The following ZMYND11 variants were observed in gnomAD, a reference collection of about 807,000 sequenced individuals.
ZMYND11 encodes zinc finger MYND domain-containing protein 11.
A neutral mutation model predicts 84.9 loss-of-function variants in ZMYND11; 9 were observed. The observed-to-expected ratio is 0.11, with a 90% confidence interval of 0.06 to 0.18. The LOEUF is 0.18. ZMYND11 is among the 10% of genes least tolerant of loss of function. ZMYND11 has a pLI of 1.00. For synonymous variants in ZMYND11, 250 were observed against 244.1 expected (o/e 1.02, Z -0.23); for missense variants, 409 against 761.0 (o/e 0.54, Z 5.44).
intron 4 of ZMYND11, among the ~76,000 whole-genome samples, chr10:226,331 C>T (rs1948123882): frequency 6.6e-6 from 1 of 152,266 alleles, no homozygotes; most frequent in East Asian, 1.9e-4. Flanking sequence ...CATAAAAAGT[C>T]TGTCAGCAGA....
chr10:229,004 A>C (rs1370179722), intron 4 of ZMYND11, among the ~76,000 whole-genome samples: 11 of 152,148 alleles, frequency 7.2e-5, no homozygotes, highest in African/African-American at 2.7e-4. Context: ...GTTTTTTTCT[A>C]TCACGGTTTG....
chr10:239,357 ACTGCTTGTCCTGTGAACTTAGT>A, intron 6 of ZMYND11, 59 bp from the exon 7 acceptor site: 1 of 1,115,694 alleles, frequency 9.0e-7, no homozygotes, highest in Non-Finnish European at 1.3e-6. Context: ...CCTAGAAAAG[ACTGCTTGTCCTGTGAACTTAGT>A]CCAGACAAGT....
intron 2 of ZMYND11, among the ~76,000 whole-genome samples, chr10:194,085 A>G (rs1941137618): frequency 6.6e-6 from 1 of 152,114 alleles, no homozygotes; most frequent in African/African-American, 2.4e-5. Context: ...CCTGGGCTCA[A>G]GCAATCCTCC....
intron 1 of ZMYND11, among the ~76,000 whole-genome samples, chr10:172,888 A>T (rs1384045098): frequency 6.6e-6 from 1 of 152,192 alleles, no homozygotes; most frequent in East Asian, 1.9e-4. Context: ...TGACAGGACA[A>T]ATAGATGGAT....
intron 1 of ZMYND11, among the ~76,000 whole-genome samples, chr10:142,789 G>T (rs562123065): frequency 6.6e-6 from 1 of 152,254 alleles, no homozygotes; most frequent in East Asian, 1.9e-4. Flanking sequence ...GAAACTCTGG[G>T]CAATCAAAAC....
At chr10:246,615 G>A (rs1952214314) in intron 10 of ZMYND11, 151 bp from the exon 11 acceptor site, 1 of 681,508 alleles carries the variant, frequency 1.5e-6, no homozygotes, top group South Asian at 1.9e-5. Context: ...AAAAGTAACG[G>A]CAGAACCCAC....
At chr10:180,995 A>C (rs1004799181) in intron 2 of ZMYND11, among the ~76,000 whole-genome samples, 5 of 152,132 alleles carry the variant, frequency 3.3e-5, no homozygotes, top group African/African-American at 1.2e-4. Context: ...AAAAAAAATC[A>C]AAGTACCTTA....
chr10:178,061 A>T (rs1015674541), intron 1 of ZMYND11, among the ~76,000 whole-genome samples: 3 of 152,186 alleles, frequency 2.0e-5, no homozygotes, highest in Admixed American at 2.0e-4. Flanking sequence ...ATTTTCCTAC[A>T]TATTTACCAT....
chr10:233,168 A>T (rs982627471), intron 4 of ZMYND11, among the ~76,000 whole-genome samples: 5 of 152,148 alleles, frequency 3.3e-5, no homozygotes, highest in African/African-American at 1.2e-4. Context: ...AGCCGATTGT[A>T]TCAGAATTTC....
chr10:151,409 G>A (rs1215267292), intron 1 of ZMYND11, among the ~76,000 whole-genome samples: 1 of 152,190 alleles, frequency 6.6e-6, no homozygotes, highest in Admixed American at 6.5e-5. Flanking sequence ...TGAGAACTAC[G>A]TGACGAATGC....
intron 2 of ZMYND11, among the ~76,000 whole-genome samples, chr10:196,702 T>G (rs921286326): frequency 6.6e-6 from 1 of 152,174 alleles, no homozygotes; most frequent in Non-Finnish European, 1.5e-5. Context: ...AAAAGGAAAG[T>G]ATAACATTTT....
At chr10:136,457 C>T (rs1836092353) in intron 1 of ZMYND11, among the ~76,000 whole-genome samples, 1 of 152,082 alleles carries the variant, frequency 6.6e-6, no homozygotes, top group African/African-American at 2.4e-5. Flanking sequence ...GGTGTGTACT[C>T]TGTGTCATAT....
intron 4 of ZMYND11, among the ~76,000 whole-genome samples, chr10:230,883 C>A (rs955336605): frequency 6.6e-6 from 1 of 152,130 alleles, no homozygotes; most frequent in African/African-American, 2.4e-5. Context: ...TACTGTGTGC[C>A]AGATGCTATG....
intron 10 of ZMYND11, 96 bp from the exon 11 acceptor site, chr10:246,670 G>C: frequency 4.3e-6 from 5 of 1,170,230 alleles, no homozygotes; most frequent in Non-Finnish European, 5.0e-6. Context: ...GCCACAGGTC[G>C]CACTTTATGG....
At chr10:135,044 CGGGCCGAGGGGCCGGTG>C (rs1205636552), upstream of ZMYND11, 46 of 149,354 alleles carry the variant, frequency 3.1e-4, no homozygotes, top group African/African-American at 8.5e-4. This position sits in a 1 kb window ranked among gnomAD's most constrained non-coding sequence, Gnocchi z 5.6. Context: ...CGAGGGCGGG[CGGGCCGAGGGGCCGGTG>C]GGGCCGAGCG....
At chr10:209,248 A>G (rs1035649885) in intron 2 of ZMYND11, among the ~76,000 whole-genome samples, 8 of 152,144 alleles carry the variant, frequency 5.3e-5, no homozygotes, top group African/African-American at 1.7e-4. Context: ...GGTGTGTCGG[A>G]TATATTTCAC....
chr10:174,287 G>A lies in ZMYND11; in HGVS notation c.-19-5707G>A, dbSNP rs1846048711. Among the ~76,000 whole-genome samples the A allele has an allele frequency of 1.3e-5, 2 of 152,168 alleles. 1 individual carries two copies. The highest frequency in any genetic ancestry group is 2.9e-5 in the Non-Finnish European group (2 of 68,038). On this transcript the variant is annotated intron_variant, in intron 1 of 14. Coordinates refer to ENST00000381604, the MANE Select transcript of ZMYND11 (RefSeq NM_001370100.5). ...TAATGCATATTACTAAGTGAAGGAG[G>A]CCAACCTGAAAAGGCCACATACTGT... is the stretch of plus-strand genomic sequence containing the variant.
At chr10:202,193 T>C (rs1238558485) in intron 2 of ZMYND11, among the ~76,000 whole-genome samples, 3 of 152,214 alleles carry the variant, frequency 2.0e-5, no homozygotes, top group Non-Finnish European at 4.4e-5. Context: ...CCTTATCAAA[T>C]ATATTTGGCC....
upstream of ZMYND11, among the ~76,000 whole-genome samples, chr10:132,031 C>G (rs1484179415): frequency 6.6e-6 from 1 of 151,858 alleles, no homozygotes; most frequent in Admixed American, 6.6e-5. Context: ...ACTTATATGC[C>G]AGAATGTTAA....
Sources: allele counts gnomAD v4.1 joint callset (sites outside exome capture counted in the v4.1 genomes callset), GRCh38; gene constraint gnomAD v4.1.1; non-coding constraint Gnocchi (gnomAD v3.1); transcripts MANE v1.5; gene names NCBI Gene and HGNC (gene_info 2026-07-23, HGNC 2026-07-21).